RBFOX1: variants seen among roughly 807,000 people sequenced by gnomAD.
RBFOX1 encodes the protein RNA binding fox-1 homolog 1.
A neutral mutation model predicts 57.7 loss-of-function variants in RBFOX1; 8 were observed. The ratio of observed to expected loss-of-function variants is 0.14; its 90% CI spans 0.08 to 0.25. The LOEUF is 0.25. Among genes scored for constraint, RBFOX1 ranks in the 10% least tolerant of loss-of-function variants. The probability of loss-of-function intolerance (pLI) is 1.00; values close to 1 mark genes in which losing one functional copy is unlikely to be tolerated. For synonymous variants in RBFOX1, 326 were observed against 222.4 expected (o/e 1.47, Z -4.15); for missense variants, 611 against 548.5 (o/e 1.11, Z -1.14).
chr16:5,865,949 C>A (rs141819891), intron 3 of RBFOX1, among the ~76,000 whole-genome samples: 3 of 152,008 alleles, frequency 2.0e-5, no homozygotes, highest in Non-Finnish European at 2.9e-5. Context: ...AAAGTAAGTT[C>A]TCTGCTCTCT....
intron 1 of RBFOX1, among the ~76,000 whole-genome samples, chr16:5,360,887 C>T (rs529198482): frequency 6.6e-6 from 1 of 152,240 alleles, no homozygotes; most frequent in African/African-American, 2.4e-5. Context: ...CCTGCTTTCC[C>T]AGCAGCACAA....
intron 9 of RBFOX1, among the ~76,000 whole-genome samples, chr16:7,606,705 A>G (rs1366247007): frequency 6.6e-6 from 1 of 152,222 alleles, no homozygotes; most frequent in Non-Finnish European, 1.5e-5. Context: ...TAGATATCAT[A>G]CATTGATTAA....
intron 2 of RBFOX1, among the ~76,000 whole-genome samples, chr16:5,556,196 G>A (rs729172): frequency 6.6e-6 from 1 of 151,960 alleles, no homozygotes; most frequent in Non-Finnish European, 1.5e-5. Context: ...ACATACATTC[G>A]GTCTGCAGAG....
intron 3 of RBFOX1, among the ~76,000 whole-genome samples, chr16:6,966,057 T>C (rs2084075119): frequency 6.6e-6 from 1 of 152,284 alleles, no homozygotes; most frequent in South Asian, 2.1e-4. Flanking sequence ...AATAAGAACC[T>C]GGACTTTGAA....
intron 3 of RBFOX1, among the ~76,000 whole-genome samples, chr16:6,658,299 A>T (rs2098675329): frequency 6.7e-6 from 1 of 150,244 alleles, no homozygotes; most frequent in South Asian, 2.1e-4. Context: ...CAGTGGTGTG[A>T]TCGTGATCTC....
intron 4 of RBFOX1, among the ~76,000 whole-genome samples, chr16:5,876,520 A>G (rs1472121616): frequency 6.6e-6 from 1 of 152,146 alleles, no homozygotes; most frequent in Non-Finnish European, 1.5e-5. Flanking sequence ...TTAAACCTAG[A>G]GAGAAAAATC....
At chr16:6,598,170 C>G (rs939687035) in intron 2 of RBFOX1, among the ~76,000 whole-genome samples, 1 of 152,212 alleles carries the variant, frequency 6.6e-6, no homozygotes, top group African/African-American at 2.4e-5. Context: ...TTCCTATATG[C>G]AGAACATGCA....
At chr16:7,228,567 A>T (rs1386670619) in intron 4 of RBFOX1, among the ~76,000 whole-genome samples, 2 of 152,206 alleles carry the variant, frequency 1.3e-5, no homozygotes, top group Non-Finnish European at 2.9e-5. Context: ...GAAGTGAAGG[A>T]ATTTGTCCAT....
intron 3 of RBFOX1, among the ~76,000 whole-genome samples, chr16:5,823,921 C>G (rs188414806): frequency 1.2e-4 from 18 of 151,998 alleles, no homozygotes; most frequent in Admixed American, 3.3e-4. Flanking sequence ...GTAATTGAAT[C>G]CCACATCTCC....
rs575797662 is a variant in RBFOX1, at chr16:6,574,973, G to C, written c.-63-79630G>C. ...GAATGGCGTGAACCTGGGAGGCGGAGCTTGCAGTGAGCCGAGATGGCACCA... is the reference window on the plus strand; with the variant it reads ...GAATGGCGTGAACCTGGGAGGCGGACCTTGCAGTGAGCCGAGATGGCACCA... On this transcript the variant is annotated intron_variant, in intron 2 of 15. Coordinates refer to ENST00000550418, the MANE Select transcript of RBFOX1 (RefSeq NM_018723.4). Among the ~76,000 whole-genome samples the C allele has an allele frequency of 1.7e-4, 25 of 151,464 alleles. No individual in the cohort carries two copies. In the South Asian group the frequency reaches 5.2e-3, roughly 32 times the overall value.
intron 4 of RBFOX1, among the ~76,000 whole-genome samples, chr16:7,124,538 C>CTT (rs1238654928): frequency 2.1e-4 from 13 of 62,360 alleles, no homozygotes; most frequent in African/African-American, 6.2e-4. Context: ...TCCTTCCTTC[C>CTT]CTCTCTCCCT....
At chr16:5,637,433 C>T (rs939554965) in intron 3 of RBFOX1, among the ~76,000 whole-genome samples, 15 of 152,126 alleles carry the variant, frequency 9.9e-5, no homozygotes, top group African/African-American at 2.9e-4. Context: ...GAATTGATGT[C>T]TCTGAACTTC....
At chr16:5,820,399 G>C (rs1242209563) in intron 3 of RBFOX1, among the ~76,000 whole-genome samples, 1 of 152,168 alleles carries the variant, frequency 6.6e-6, no homozygotes, top group Non-Finnish European at 1.5e-5. Context: ...AAGAGGTGGG[G>C]TGAGGAAGGA....
At chr16:5,761,545 A>C (rs970523467) in intron 3 of RBFOX1, among the ~76,000 whole-genome samples, 2 of 152,196 alleles carry the variant, frequency 1.3e-5, no homozygotes, top group African/African-American at 4.8e-5. Context: ...GTCATGTCTT[A>C]CATGGCAGCA....
At position 6,313,675 on chromosome 16, in the gene RBFOX1, A is replaced by C. The variant is rs566711962; in HGVS notation, c.-126-3320A>C. 1.2e-4 allele frequency among the ~76,000 whole-genome samples: 19 copies of C among 152,232 alleles called. No individual in the cohort carries two copies. In the East Asian group the frequency reaches 3.5e-3, roughly 28 times the overall value. ...CCTGACTTTGTTCCAATGTCCTCCG[A>C]GTTTCCTTCACTTGCAGCTCTTTAG... is the stretch of plus-strand genomic sequence containing the variant. On this transcript the variant is annotated intron_variant, in intron 1 of 15. Transcript: ENST00000550418.
At chr16:6,354,048 C>T (rs527816784) in intron 2 of RBFOX1, among the ~76,000 whole-genome samples, 2 of 152,138 alleles carry the variant, frequency 1.3e-5, no homozygotes, top group African/African-American at 4.8e-5. Context: ...GGTGAGACCC[C>T]GTCTCTACCA....
intron 3 of RBFOX1, among the ~76,000 whole-genome samples, chr16:5,811,632 G>T (rs1029187815): frequency 6.6e-6 from 1 of 151,936 alleles, no homozygotes; most frequent in Non-Finnish European, 1.5e-5. Context: ...TGTAATTTTA[G>T]TAGAGACAGG....
intron 4 of RBFOX1, among the ~76,000 whole-genome samples, chr16:7,486,361 G>C (rs1315743031): frequency 6.6e-6 from 1 of 151,876 alleles, no homozygotes; most frequent in Non-Finnish European, 1.5e-5. Context: ...TCGAACACCT[G>C]ACCTCGAGTG....
At chr16:6,057,396 C>T (rs1299792871) in intron 1 of RBFOX1, among the ~76,000 whole-genome samples, 1 of 151,872 alleles carries the variant, frequency 6.6e-6, no homozygotes, top group Non-Finnish European at 1.5e-5. Flanking sequence ...TAATATCAGA[C>T]TAAATTTAAT....
Sources: gnomAD v4.1 joint callset for allele counts (sites outside exome capture counted in the v4.1 genomes callset) on GRCh38, gnomAD v4.1.1 for gene constraint, MANE v1.5 for transcripts, NCBI Gene and HGNC (gene_info 2026-07-23, HGNC 2026-07-21) for gene names.